Variants in SGCZ observed in about 807,000 individuals in gnomAD.
SGCZ encodes sarcoglycan zeta, also known as zeta-sarcoglycan.
SGCZ carries 40 observed loss-of-function variants against 41.3 expected under a neutral mutation model. The observed-to-expected ratio is 0.97, with a 90% CI of 0.75 to 1.26. SGCZ has a LOEUF of 1.26. SGCZ is among the 50% of genes most tolerant of loss of function. The pLI is 0.00. For synonymous variants in SGCZ, 206 were observed against 137.5 expected (o/e 1.50, Z -3.49); for missense variants, 552 against 369.8 (o/e 1.49, Z -4.04).
chr8:14,827,638 T>G (rs1387799409), intron 1 of SGCZ, among the ~76,000 whole-genome samples: 1 of 152,162 alleles, frequency 6.6e-6, no homozygotes, highest in Non-Finnish European at 1.5e-5. Flanking sequence ...AATGATGAAG[T>G]TGAATAGTTA....
chr8:14,667,454 A>G (rs1807945210), intron 1 of SGCZ, among the ~76,000 whole-genome samples: 1 of 152,168 alleles, frequency 6.6e-6, no homozygotes, highest in African/African-American at 2.4e-5. Context: ...ATGTTGTCAT[A>G]AAAGCTTGTC....
chr8:14,649,574 G>C (rs1234901978), intron 1 of SGCZ, among the ~76,000 whole-genome samples: 3 of 151,590 alleles, frequency 2.0e-5, no homozygotes, highest in Admixed American at 2.0e-4. Context: ...AGTTTGGACT[G>C]TCTACCTTCA....
intron 1 of SGCZ, among the ~76,000 whole-genome samples, chr8:14,959,717 G>A (rs1040634400): frequency 2.6e-5 from 4 of 152,104 alleles, no homozygotes; most frequent in Non-Finnish European, 5.9e-5. Flanking sequence ...ACTTTTTAAA[G>A]ATTCTCTGTA....
At chr8:14,247,960 G>C (rs117579301) in intron 3 of SGCZ, among the ~76,000 whole-genome samples, 1 of 152,168 alleles carries the variant, frequency 6.6e-6, no homozygotes, top group Non-Finnish European at 1.5e-5. Flanking sequence ...TAGAAAAATA[G>C]ACAATCTGCA....
intron 1 of SGCZ, among the ~76,000 whole-genome samples, chr8:15,056,998 C>G (rs879061470): frequency 6.6e-6 from 1 of 152,218 alleles, no homozygotes; most frequent in Admixed American, 6.5e-5. Flanking sequence ...ATTGCGTGCA[C>G]GAGGCTCTGA....
chr8:14,255,054 C>T (rs1166782284), intron 3 of SGCZ, among the ~76,000 whole-genome samples: 1 of 152,068 alleles, frequency 6.6e-6, no homozygotes, highest in African/African-American at 2.4e-5. Flanking sequence ...GGTGGATGTC[C>T]TCTATGTATC....
intron 3 of SGCZ, chr8:14,309,237 G>T: frequency 1.3e-6 from 2 of 1,519,638 alleles, no homozygotes; most frequent in Non-Finnish European, 9.1e-7. Context: ...GAAGACTTCT[G>T]GGCTCTGTAC....
chr8:14,534,160 C>A (rs750887163), intron 2 of SGCZ, among the ~76,000 whole-genome samples: 11 of 151,812 alleles, frequency 7.2e-5, no homozygotes, highest in Admixed American at 2.0e-4. Flanking sequence ...GTGTTGAGGC[C>A]AGAGAAGTTT....
chr8:15,012,552 TTA>T (rs375654808), intron 1 of SGCZ, among the ~76,000 whole-genome samples: 11 of 72,414 alleles, frequency 1.5e-4, no homozygotes, highest in South Asian at 7.8e-4. Context: ...ATATGAATAT[TTA>T]TATATAACAT....
chr8:14,244,187 CTCCTCCTCTTCCTTCT>C (rs1798995860), intron 3 of SGCZ, among the ~76,000 whole-genome samples: 3 of 10,866 alleles, frequency 2.8e-4, no homozygotes, highest in African/African-American at 6.2e-4. Context: ...TTCCTTCTTC[CTCCTCCTCTTCCTTCT>C]TCCTCCTCTT....
intron 1 of SGCZ, chr8:14,879,951 C>T (rs1406505373): frequency 2.0e-5 from 3 of 152,208 alleles, no homozygotes. Context: ...AGCAATTCTC[C>T]TGTCTCAGCC....
chr8:14,804,126 G>C (rs1426826278), intron 1 of SGCZ, among the ~76,000 whole-genome samples: 3 of 85,984 alleles, frequency 3.5e-5, no homozygotes, highest in Non-Finnish European at 6.3e-5. Context: ...ACAAAGATGG[G>C]GAAAAAACAG....
At chr8:14,095,619 G>GT (rs1425818417) in intron 7 of SGCZ, among the ~76,000 whole-genome samples, 3 of 152,074 alleles carry the variant, frequency 2.0e-5, no homozygotes, top group Non-Finnish European at 4.4e-5. Flanking sequence ...GTTTAAAGTA[G>GT]TTTTTTCCAA....
chr8:15,209,773 T>A (rs200588902), intron 1 of SGCZ, among the ~76,000 whole-genome samples: 6 of 8,544 alleles, frequency 7.0e-4, no homozygotes, highest in Admixed American at 2.0e-3. Context: ...TTAAAAAAAT[T>A]AATTAATTAA....
At chr8:14,504,078 GTTTA>G in intron 2 of SGCZ, among the ~76,000 whole-genome samples, 1 of 152,030 alleles carries the variant, frequency 6.6e-6, no homozygotes, top group South Asian at 2.1e-4. Context: ...TCTTCCCTCT[GTTTA>G]TTTTTCTTTT....
In SGCZ at chr8:15,002,202, T is replaced by TAAA. The variant is rs5889559; in HGVS notation, c.39+235380_39+235382dup. On this transcript the variant is annotated intron_variant, in intron 1 of 7. Transcript: ENST00000382080. ...AATGACTTAAGAATATAGTCAGCTC[T>TAAA]AAAAAAAAAAAGCCATCAATAATAA... Among the ~76,000 whole-genome samples the TAAA allele has an allele frequency of 8.3e-3, 1,222 of 146,546 alleles. 24 individuals are homozygous for TAAA. The highest frequency in any genetic ancestry group is 0.029 in the African/African-American group (1,152 of 40,058).
rs116413367 is a variant in SGCZ at position 14,609,486 on chromosome 8, T to G, written c.40-54560A>C. Among the ~76,000 whole-genome samples the G allele has an allele frequency of 8.6e-3, 1,314 of 152,292 alleles. 18 individuals carry two copies. The highest frequency in any genetic ancestry group is 0.03 in the African/African-American group (1,238 of 41,558). On this transcript the variant is annotated intron_variant, in intron 1 of 7. Coordinates refer to ENST00000382080, the MANE Select transcript of SGCZ (RefSeq NM_139167.4). ...AAAGTCTTAATTAAATTAGACCTTC[T>G]GGCATGATGAAAAGTACTGCATGAA...
intron 1 of SGCZ, among the ~76,000 whole-genome samples, chr8:15,142,791 T>G (rs931862557): frequency 6.6e-6 from 1 of 152,014 alleles, no homozygotes; most frequent in Admixed American, 6.6e-5. Context: ...TTTGTATTTT[T>G]GTAGAGGCAG....
intron 1 of SGCZ, among the ~76,000 whole-genome samples, chr8:14,836,507 T>C (rs1341979617): frequency 6.6e-6 from 1 of 152,102 alleles, no homozygotes; most frequent in Non-Finnish European, 1.5e-5. Flanking sequence ...CACAATTGTG[T>C]TTTTGTTTTG....
Sources: gnomAD v4.1 joint callset for allele counts (sites outside exome capture counted in the v4.1 genomes callset) on GRCh38, gnomAD v4.1.1 for gene constraint, MANE v1.5 for transcripts, NCBI Gene and HGNC (gene_info 2026-07-23, HGNC 2026-07-21) for gene names.